The following CPT1A variants were observed in gnomAD, a reference collection of about 807,000 sequenced individuals.
CPT1A encodes the protein carnitine palmitoyltransferase 1A, also known as carnitine O-palmitoyltransferase 1, liver isoform.
CPT1A carries 64 observed loss-of-function variants against 100.8 expected under a neutral mutation model. The ratio of observed to expected loss-of-function variants is 0.63; its 90% CI spans 0.52 to 0.78. CPT1A has a LOEUF of 0.78. Ranked by LOEUF, CPT1A falls within the 30% of genes least tolerant of loss-of-function variation. The pLI, the probability that CPT1A is intolerant of heterozygous loss-of-function variation, is 0.00. For missense variants in CPT1A, 802 were observed against 1,034.1 expected (o/e 0.78, Z 3.08); for synonymous variants, 363 against 396.0 (o/e 0.92, Z 0.99).
rs777492018 is a variant in CPT1A at position 68,783,400 on chromosome 11, C to T, written c.1163+1415G>A. Reference sequence around the variant, plus strand: ...TGGCCCAGCTGCCCAGCCCACTCCACGGCTCCTGCCTGCTCTGCTACCCCG... The same window carrying T: ...TGGCCCAGCTGCCCAGCCCACTCCATGGCTCCTGCCTGCTCTGCTACCCCG... On this transcript the variant is annotated intron_variant, in intron 10 of 18. Transcript: ENST00000265641. Among the ~76,000 whole-genome samples the T allele has an allele frequency of 9.9e-5, 15 of 152,222 alleles. No homozygotes were observed. In the South Asian group the frequency reaches 1.9e-3, roughly 19 times the overall value.
intron 5 of CPT1A, among the ~76,000 whole-genome samples, chr11:68,799,967 A>G (rs1293064214): frequency 1.3e-5 from 2 of 152,214 alleles, no homozygotes; most frequent in Non-Finnish European, 2.9e-5. Flanking sequence ...TAAATTCTAG[A>G]GTTGACAAGA....
intron 3 of CPT1A, among the ~76,000 whole-genome samples, chr11:68,808,519 G>A (rs537024725): frequency 2.1e-4 from 32 of 151,718 alleles, no homozygotes; most frequent in East Asian, 5.9e-4. Flanking sequence ...TTACAGGTGC[G>A]CACCACCACA....
At chr11:68,794,954 T>C (rs151058006) in intron 7 of CPT1A, 43 bp from the exon 8 acceptor site, 1 of 1,461,000 alleles carries the variant, frequency 6.8e-7, no homozygotes, top group Non-Finnish European at 9.6e-7. Flanking sequence ...TAGGGAAAGA[T>C]AAGCAAATTT....
chr11:68,785,057 C>G, intron 9 of CPT1A, 47 bp from the exon 10 acceptor site: 2 of 1,578,324 alleles, frequency 1.3e-6, no homozygotes, highest in South Asian at 1.1e-5. Context: ...GTCCCAAGTT[C>G]AGCACGTGCT....
chr11:68,789,824 C>T (rs184718278), intron 9 of CPT1A, among the ~76,000 whole-genome samples: 7 of 152,210 alleles, frequency 4.6e-5, no homozygotes, highest in Non-Finnish European at 1.0e-4. Context: ...GGTTTTCTGG[C>T]AGATTTATAA....
At chr11:68,836,461 C>G (rs1337868127) in intron 1 of CPT1A, among the ~76,000 whole-genome samples, 4 of 151,678 alleles carry the variant, frequency 2.6e-5, no homozygotes. Flanking sequence ...GCTTGGGCAC[C>G]AAGGCAAGAT....
chr11:68,811,092 G>A (rs969176563), intron 3 of CPT1A, among the ~76,000 whole-genome samples: 1 of 152,242 alleles, frequency 6.6e-6, no homozygotes, highest in East Asian at 1.9e-4. Flanking sequence ...ATATTTATAT[G>A]CAAACAACCT....
At chr11:68,760,978 G>A (rs373278824) in intron 16 of CPT1A, among the ~76,000 whole-genome samples, 5 of 151,896 alleles carry the variant, frequency 3.3e-5, no homozygotes, top group South Asian at 4.2e-4. Context: ...CCAAGATGGC[G>A]CCACTGCACT....
Position 68,767,972 on chromosome 11 carries a change from C to T in CPT1A, c.1741-5211G>A, listed in dbSNP as rs75241422. Among the ~76,000 whole-genome samples the T allele has an allele frequency of 5.0e-3, 754 of 151,930 alleles. 41 individuals are homozygous for T. The East Asian group carries it at 0.12, about 24-fold the overall frequency. On this transcript the variant is annotated intron_variant, in intron 14 of 18. Transcript: ENST00000265641. Reference sequence around the variant, plus strand: ...CCTCAAAACCACCTTTGGAGGAAGGCACAGGCCTGTCTCCCAGGCACGCAT... The same window carrying T: ...CCTCAAAACCACCTTTGGAGGAAGGTACAGGCCTGTCTCCCAGGCACGCAT...
At chr11:68,795,042 C>T in intron 7 of CPT1A, 131 bp from the exon 8 acceptor site, 1 of 729,564 alleles carries the variant, frequency 1.4e-6, no homozygotes, top group Non-Finnish European at 2.5e-6. Flanking sequence ...TCGGTTACAT[C>T]TGCAATGCTA....
At chr11:68,808,144 C>A (rs1856100539) in intron 3 of CPT1A, among the ~76,000 whole-genome samples, 1 of 152,224 alleles carries the variant, frequency 6.6e-6, no homozygotes, top group Non-Finnish European at 1.5e-5. Context: ...CTCAAACTTA[C>A]TTTTAGATGT....
At chr11:68,794,593 T>G (rs2153999773) in intron 8 of CPT1A, among the ~76,000 whole-genome samples, 1 of 152,318 alleles carries the variant, frequency 6.6e-6, no homozygotes, top group South Asian at 2.1e-4. Context: ...CTATTTTTAG[T>G]AGAGACAGGG....
intron 13 of CPT1A, 28 bp from the exon 14 acceptor site, chr11:68,773,457 C>T (rs1447469203): frequency 4.3e-6 from 7 of 1,613,796 alleles, no homozygotes; most frequent in Middle Eastern, 1.6e-4. Context: ...AAAGGTTTTA[C>T]GGAACGAGGG....
chr11:68,826,137 G>A (rs2154002211), intron 1 of CPT1A, among the ~76,000 whole-genome samples: 1 of 152,274 alleles, frequency 6.6e-6, no homozygotes, highest in Non-Finnish European at 1.5e-5. Context: ...CTGCCTTGAT[G>A]TACCCCCGCA....
intron 1 of CPT1A, among the ~76,000 whole-genome samples, chr11:68,820,749 G>A (rs182079833): frequency 8.5e-5 from 13 of 152,088 alleles, no homozygotes; most frequent in Non-Finnish European, 1.5e-4. Flanking sequence ...AACTCCCACC[G>A]TCCCACTCCC....
chr11:68,781,140 T>G lies in CPT1A; in HGVS notation c.1353-395A>C, dbSNP rs771381544. 2.9e-4 allele frequency among the ~76,000 whole-genome samples: 44 copies of G among 152,274 alleles called. 1 individual carries two copies. Among genetic ancestry groups the G allele is most frequent in the South Asian group, 2.5e-3 (12 of 4,824 alleles). ...AAAAAGAGGACTTGAGATAGCCACATGCCAACACCCTGGCCTAACCCTGTG... is the reference window on the plus strand; with the variant it reads ...AAAAAGAGGACTTGAGATAGCCACAGGCCAACACCCTGGCCTAACCCTGTG... On this transcript the variant is annotated intron_variant, in intron 11 of 18. Coordinates refer to ENST00000265641, the MANE Select transcript of CPT1A (RefSeq NM_001876.4).
intron 1 of CPT1A, among the ~76,000 whole-genome samples, chr11:68,832,002 A>T (rs1160539957): frequency 6.6e-6 from 1 of 152,166 alleles, no homozygotes; most frequent in African/African-American, 2.4e-5. Flanking sequence ...TTTTATATTG[A>T]TGTATTTGAC....
chr11:68,831,544 T>C (rs1003736934), intron 1 of CPT1A, among the ~76,000 whole-genome samples: 4 of 152,068 alleles, frequency 2.6e-5, no homozygotes, highest in Non-Finnish European at 2.9e-5. Context: ...TCAACACGTA[T>C]GGAGATACTA....
chr11:68,775,447 AC>A lies in CPT1A; in HGVS notation c.1459-16del. The A allele has an allele frequency of 6.3e-7, 1 of 1,585,512 alleles. No individual in the cohort carries two copies. On this transcript the variant is annotated splice_polypyrimidine_tract_variant and intron_variant, in intron 12 of 18. Transcript: ENST00000265641. ...GACATGACGTACTGTCAAAAATAGA[AC>A]AAAATTATTAAAACTAACAGTGGTA...
Sources: gnomAD v4.1 joint callset for allele counts (sites outside exome capture counted in the v4.1 genomes callset) on GRCh38, gnomAD v4.1.1 for gene constraint, MANE v1.5 for transcripts, NCBI Gene and HGNC (gene_info 2026-07-23, HGNC 2026-07-21) for gene names.